Variants in GRIP1 observed in about 807,000 individuals in gnomAD.
The protein encoded by GRIP1 is glutamate receptor-interacting protein 1.
GRIP1 carries 45 observed loss-of-function variants against 129.9 expected under a neutral mutation model. The ratio of observed to expected loss-of-function variants is 0.35; its 90% CI spans 0.27 to 0.44. The LOEUF is 0.44. Among genes scored for constraint, GRIP1 ranks in the 20% least tolerant of loss-of-function variants. The pLI is 1.00. For synonymous variants in GRIP1, 530 were observed against 520.8 expected (o/e 1.02, Z -0.24); for missense variants, 1,196 against 1,396.8 (o/e 0.86, Z 2.29).
chr12:66,572,093 T>C (rs907503277), intron 2 of GRIP1, among the ~76,000 whole-genome samples: 1 of 152,194 alleles, frequency 6.6e-6, no homozygotes, highest in Non-Finnish European at 1.5e-5. Flanking sequence ...ATCAGTCCTC[T>C]TCCAGGGCTG....
At chr12:66,773,493 TG>T (rs549885896) in intron 1 of GRIP1, among the ~76,000 whole-genome samples, 9 of 152,022 alleles carry the variant, frequency 5.9e-5, no homozygotes, top group Non-Finnish European at 1.2e-4. Flanking sequence ...TGCTCATAAG[TG>T]GGAGTTGAAC....
chr12:66,625,243 G>T (rs1042775827), intron 1 of GRIP1, among the ~76,000 whole-genome samples: 5 of 151,958 alleles, frequency 3.3e-5, no homozygotes, highest in African/African-American at 1.2e-4. Flanking sequence ...AATGTAACTC[G>T]CATCTTATCA....
chr12:67,043,129 G>A (rs766507597), intron 1 of GRIP1, among the ~76,000 whole-genome samples: 1 of 152,182 alleles, frequency 6.6e-6, no homozygotes, highest in Admixed American at 6.5e-5. Context: ...GACTGCAGGC[G>A]AGAGTGAGGT....
chr12:66,400,503 T>A (rs1225547586), intron 16 of GRIP1, among the ~76,000 whole-genome samples: 2 of 152,164 alleles, frequency 1.3e-5, no homozygotes, highest in African/African-American at 4.8e-5. Context: ...TGGTAAACTA[T>A]AAATATTTGA....
At chr12:66,901,045 T>TAAATCAGCTGCA (rs1289422911) in intron 1 of GRIP1, among the ~76,000 whole-genome samples, 1 of 152,224 alleles carries the variant, frequency 6.6e-6, no homozygotes, top group Non-Finnish European at 1.5e-5. Context: ...CCAGAATATT[T>TAAATCAGCTGCA]AAATCAGCTG....
chr12:66,879,968 G>A (rs143754765), intron 1 of GRIP1, among the ~76,000 whole-genome samples: 4 of 152,240 alleles, frequency 2.6e-5, no homozygotes, highest in Admixed American at 6.5e-5. Context: ...AGCAGAGGTT[G>A]AGGTGTCTAC....
At chr12:66,791,238 G>T (rs1474325202) in intron 1 of GRIP1, among the ~76,000 whole-genome samples, 2 of 152,146 alleles carry the variant, frequency 1.3e-5, no homozygotes, top group African/African-American at 4.8e-5. Flanking sequence ...ATATTTGGAA[G>T]GTGGGAGAAG....
At chr12:66,423,624 C>T (rs142018397) in intron 14 of GRIP1, among the ~76,000 whole-genome samples, 192 of 152,264 alleles carry the variant, frequency 1.3e-3, no homozygotes, top group Non-Finnish European at 2.0e-3. Context: ...ATGAGACAAG[C>T]GCCTCTGCTC....
chr12:66,859,044 T>C (rs1012824162), intron 1 of GRIP1, among the ~76,000 whole-genome samples: 7 of 151,846 alleles, frequency 4.6e-5, no homozygotes, highest in Admixed American at 2.0e-4. Flanking sequence ...TATGAATCTG[T>C]CCAGGTATTT....
chr12:66,754,581 A>T lies in GRIP1; in HGVS notation c.-420+49472T>A, dbSNP rs76746512. Among the ~76,000 whole-genome samples the T allele has an allele frequency of 2.7e-4, 41 of 152,282 alleles. No homozygotes were observed. The South Asian group carries it at 8.5e-3, about 32-fold the overall frequency. On this transcript the variant is annotated intron_variant, in intron 1 of 4. Transcript: ENST00000538373. ...AGCAAGGGCAGAGAGCCGTCACTAC[A>T]CTGTCTGCTCAAGGTAGGGTCTCAC...
At chr12:67,044,828 T>A (rs1473788628) in intron 1 of GRIP1, among the ~76,000 whole-genome samples, 1 of 152,220 alleles carries the variant, frequency 6.6e-6, no homozygotes, top group East Asian at 1.9e-4. Context: ...TGCAATGTAC[T>A]AATCCAGAAG....
At chr12:66,584,713 G>C (rs372102644) in intron 2 of GRIP1, among the ~76,000 whole-genome samples, 11 of 147,946 alleles carry the variant, frequency 7.4e-5, no homozygotes, top group East Asian at 5.8e-4. Flanking sequence ...GAGGAGGCAG[G>C]GTTTGTAAGA....
intron 1 of GRIP1, among the ~76,000 whole-genome samples, chr12:66,781,780 G>A (rs1341110825): frequency 1.3e-5 from 2 of 152,182 alleles, no homozygotes; most frequent in African/African-American, 2.4e-5. Context: ...GAGGCTGCAT[G>A]AAGGTTTTAA....
intron 2 of GRIP1, among the ~76,000 whole-genome samples, chr12:66,569,517 A>G (rs10784555): frequency 0.37 from 56,895 of 151,956 alleles, 10,827 homozygotes; most frequent in East Asian, 0.41. Flanking sequence ...AGTTTTGGAC[A>G]CTAGGAACAA....
intron 1 of GRIP1, among the ~76,000 whole-genome samples, chr12:67,031,774 T>C (rs766248579): frequency 4.6e-5 from 7 of 152,188 alleles, no homozygotes; most frequent in African/African-American, 1.7e-4. Flanking sequence ...CTCTCATCTC[T>C]TCTTTCTTTT....
intron 7 of GRIP1, among the ~76,000 whole-genome samples, chr12:66,510,082 T>G (rs539425077): frequency 1.3e-5 from 2 of 152,328 alleles, no homozygotes; most frequent in African/African-American, 4.8e-5. Flanking sequence ...GTTTTTCCCA[T>G]ATGCATTTTA....
intron 1 of GRIP1, among the ~76,000 whole-genome samples, chr12:66,981,651 C>T (rs986061959): frequency 5.3e-5 from 8 of 152,146 alleles, no homozygotes; most frequent in South Asian, 2.1e-4. Flanking sequence ...TTCTGATATA[C>T]GTTTATCTAA....
chr12:66,671,402 T>G (rs937143287), intron 1 of GRIP1, among the ~76,000 whole-genome samples: 3 of 152,172 alleles, frequency 2.0e-5, no homozygotes, highest in Non-Finnish European at 1.5e-5. Flanking sequence ...AGTTTGCATC[T>G]TGAAATTTTA....
chr12:66,505,308 G>A (rs564232540), intron 7 of GRIP1, among the ~76,000 whole-genome samples: 1 of 152,268 alleles, frequency 6.6e-6, no homozygotes, highest in Non-Finnish European at 1.5e-5. Context: ...AAATGTGGGT[G>A]GTTTCTAGGA....
Sources: allele counts gnomAD v4.1 joint callset (sites outside exome capture counted in the v4.1 genomes callset), GRCh38; gene constraint gnomAD v4.1.1; transcripts MANE v1.5; gene names NCBI Gene and HGNC (gene_info 2026-07-23, HGNC 2026-07-21).